Variants in SRFBP1 observed in about 807,000 individuals in gnomAD.
SRFBP1 encodes the protein serum response factor binding protein 1, also known as serum response factor-binding protein 1.
SRFBP1 carries 47 observed loss-of-function variants against 45.5 expected under a neutral mutation model. That is an observed-to-expected ratio of 1.03 (90% confidence interval 0.82 to 1.32). SRFBP1 has a LOEUF of 1.32. Ranked by LOEUF, SRFBP1 falls within the 40% of genes most tolerant of loss-of-function variation. SRFBP1 has a pLI of 0.00. For missense variants in SRFBP1, 621 were observed against 484.6 expected (o/e 1.28, Z -2.64); for synonymous variants, 203 against 166.3 (o/e 1.22, Z -1.70).
At chr5:121,971,172 A>G (rs2112814868) in intron 1 of SRFBP1, among the ~76,000 whole-genome samples, 1 of 152,074 alleles carries the variant, frequency 6.6e-6, no homozygotes, top group East Asian at 1.9e-4. Context: ...CATTGGATAT[A>G]TACTTTAAAA....
chr5:122,057,695 G>A (rs1754107797), intron 2 of SRFBP1, among the ~76,000 whole-genome samples: 2 of 151,768 alleles, frequency 1.3e-5, no homozygotes, highest in African/African-American at 4.8e-5. Flanking sequence ...TTCATTAATG[G>A]CTGCTAAAAT....
chr5:122,015,425 T>C (rs954958105), intron 4 of SRFBP1, among the ~76,000 whole-genome samples: 1 of 152,222 alleles, frequency 6.6e-6, no homozygotes, highest in African/African-American at 2.4e-5. Context: ...TTCCTGATTT[T>C]TTAGTTCTGC....
At chr5:122,025,541 A>T (rs1580533547) in intron 7 of SRFBP1, among the ~76,000 whole-genome samples, 1 of 152,162 alleles carries the variant, frequency 6.6e-6, no homozygotes, top group Non-Finnish European at 1.5e-5. Context: ...CGCCACACTG[A>T]CTTCCACAAT....
chr5:122,059,769 AG>A (rs1200815045), intron 2 of SRFBP1, among the ~76,000 whole-genome samples: 1 of 152,094 alleles, frequency 6.6e-6, no homozygotes, highest in Non-Finnish European at 1.5e-5. Context: ...GTGTGTTAAA[AG>A]TACACTATAA....
At chr5:122,062,276 A>G (rs908726808) in intron 2 of SRFBP1, among the ~76,000 whole-genome samples, 1 of 152,096 alleles carries the variant, frequency 6.6e-6, no homozygotes, top group East Asian at 1.9e-4. Context: ...TCTCCAAATT[A>G]AAAAGGAGTA....
At chr5:122,002,533 G>A (rs769494844) in intron 4 of SRFBP1, among the ~76,000 whole-genome samples, 1 of 152,154 alleles carries the variant, frequency 6.6e-6, no homozygotes, top group Non-Finnish European at 1.5e-5. Context: ...TATTGTGAAA[G>A]GATGTTTGGA....
At chr5:121,998,157 A>G (rs899267048) in intron 4 of SRFBP1, among the ~76,000 whole-genome samples, 1 of 151,308 alleles carries the variant, frequency 6.6e-6, no homozygotes, top group Non-Finnish European at 1.5e-5. Flanking sequence ...CAGCCATCCC[A>G]TTACTGGGTA....
chr5:122,003,782 G>A (rs546292303), intron 4 of SRFBP1, among the ~76,000 whole-genome samples: 9 of 152,024 alleles, frequency 5.9e-5, no homozygotes, highest in South Asian at 4.2e-4. Context: ...ATCTCGTTAC[G>A]GTTTTAATTT....
At chr5:122,074,903 T>C (rs1349745900) in intron 2 of SRFBP1, among the ~76,000 whole-genome samples, 2 of 152,184 alleles carry the variant, frequency 1.3e-5, no homozygotes, top group Admixed American at 1.3e-4. Context: ...AATTACCTTA[T>C]GCAAAAATCC....
chr5:122,020,222 A>G lies in SRFBP1; in HGVS notation c.487A>G (p.Thr163Ala), dbSNP rs776142597. ...TGGAAGTAATTTACAGCGTGAAGCA[A>G]CTGTCATCAGTGAGCAAAAAGTCAA... ...DNGSNLQREA[T>A]VISEQKVKET... Residue 163 changes from threonine to alanine, a missense_variant, in exon 6 of 8, where the codon ACT becomes GCT. Transcript: ENST00000339397. 5.0e-6 allele frequency: 8 copies of G among 1,613,560 alleles called. No homozygotes were observed. The highest frequency in any genetic ancestry group is 2.2e-5 in the South Asian group (2 of 90,848).
At chr5:122,018,729 C>G (rs775073080) in intron 4 of SRFBP1, among the ~76,000 whole-genome samples, 5 of 152,114 alleles carry the variant, frequency 3.3e-5, no homozygotes, top group Non-Finnish European at 7.4e-5. Flanking sequence ...ATATTGAATA[C>G]TGTATATAAT....
chr5:122,066,625 C>A (rs907865584), intron 2 of SRFBP1: 10 of 824,390 alleles, frequency 1.2e-5, no homozygotes, highest in African/African-American at 6.8e-5. Flanking sequence ...AACAAAAATT[C>A]TTTTGTTGTT....
At chr5:122,014,984 T>C (rs547992616) in intron 4 of SRFBP1, among the ~76,000 whole-genome samples, 1 of 152,232 alleles carries the variant, frequency 6.6e-6, no homozygotes, top group Non-Finnish European at 1.5e-5. Context: ...ATTCCCAGAA[T>C]TTCTTATGTC....
At position 121,974,275 on chromosome 5, in the gene SRFBP1, A is replaced by C. The variant is rs1446717602; in HGVS notation, c.116A>C (p.Lys39Thr). The C allele has an allele frequency of 6.2e-7, 1 of 1,609,752 alleles. No individual in the cohort carries two copies. The highest frequency in any genetic ancestry group is 1.3e-5 in the African/African-American group (1 of 74,772). Residue 39 changes from lysine to threonine, a missense_variant, in exon 2 of 8, where the codon AAG (lysine) becomes ACG (threonine). Physicochemically the swap from Lys to Thr is moderately conservative, Grantham distance 78. Transcript: ENST00000339397. Reference sequence around the variant, plus strand: ...CTTGTCAGGAGTGTTGGCCGACTGAAGTCAAAAAAGTTAGTCATTTAAAGT... The same window carrying C: ...CTTGTCAGGAGTGTTGGCCGACTGACGTCAAAAAAGTTAGTCATTTAAAGT... ...RKLVRSVGRL[K>T]SKKGTEDALL...
chr5:122,075,678 A>ATTTTG (rs1455538633), downstream of SRFBP1: 16 of 550,644 alleles, frequency 2.9e-5, no homozygotes, highest in Non-Finnish European at 4.7e-5. Context: ...AGTCTAAGGC[A>ATTTTG]TTTTGTTTCT....
At chr5:122,043,633 T>C (rs79261877) in intron 2 of SRFBP1, among the ~76,000 whole-genome samples, 7 of 152,358 alleles carry the variant, frequency 4.6e-5, no homozygotes, top group African/African-American at 1.4e-4. Flanking sequence ...ATAATTGCAT[T>C]TCTTAACAGA....
chr5:121,974,062 C>T, intron 1 of SRFBP1, 134 bp from the exon 2 acceptor site: 1 of 565,600 alleles, frequency 1.8e-6, no homozygotes, highest in South Asian at 2.5e-5. Flanking sequence ...TTGATTTCAT[C>T]AAGCTACGAA....
intron 2 of SRFBP1, chr5:122,066,105 C>T (rs1754292472): frequency 6.6e-6 from 1 of 152,036 alleles, no homozygotes; most frequent in Non-Finnish European, 1.5e-5. Flanking sequence ...AAATTGTGCA[C>T]TTGAAAGAAA....
At chr5:122,052,694 T>C (rs896487162) in intron 2 of SRFBP1, among the ~76,000 whole-genome samples, 1 of 152,154 alleles carries the variant, frequency 6.6e-6, no homozygotes, top group Non-Finnish European at 1.5e-5. Context: ...GTTTCGACAT[T>C]CTCCTCAACC....
Sources: allele counts gnomAD v4.1 joint callset (sites outside exome capture counted in the v4.1 genomes callset), GRCh38; gene constraint gnomAD v4.1.1; transcripts MANE v1.5; gene names NCBI Gene and HGNC (gene_info 2026-07-23, HGNC 2026-07-21).